SRGAP1: variants seen among roughly 807,000 people sequenced by gnomAD.
SRGAP1 encodes the protein SLIT-ROBO Rho GTPase activating protein 1, also known as SLIT-ROBO Rho GTPase-activating protein 1.
SRGAP1 carries 43 observed loss-of-function variants against 121.9 expected under a neutral mutation model. The ratio of observed to expected loss-of-function variants is 0.35; its 90% CI spans 0.28 to 0.46. The LOEUF is 0.46. Among genes scored for constraint, SRGAP1 ranks in the 20% least tolerant of loss-of-function variants. The probability of loss-of-function intolerance (pLI) is 1.00; values close to 1 mark genes in which losing one functional copy is unlikely to be tolerated. For missense variants in SRGAP1, 1,102 were observed against 1,350.9 expected, an observed-to-expected ratio of 0.82 and a Z score of 2.89; for synonymous variants, 447 against 485.4, an observed-to-expected ratio of 0.92 and a Z score of 1.04.
intron 1 of SRGAP1, among the ~76,000 whole-genome samples, chr12:63,925,787 G>A (rs938108482): frequency 6.6e-6 from 1 of 152,106 alleles, no homozygotes; most frequent in African/African-American, 2.4e-5. Context: ...GATAGAGATG[G>A]CATCCTTATG....
In SRGAP1 at chr12:63,973,834, T is replaced by G. The variant is rs1024369952; in HGVS notation, c.68-10113T>G. On this transcript the variant is annotated intron_variant, in intron 1 of 21. Transcript: ENST00000355086. ...TATTCAGAGAAAAACATGTGTAAAC[T>G]TTGATATATATTCCATGAAACTTCA... 2.6e-5 allele frequency among the ~76,000 whole-genome samples: 4 copies of G among 152,220 alleles called. No individual in the cohort carries two copies. The East Asian group carries it at 7.7e-4, about 29-fold the overall frequency.
At chr12:63,955,853 C>T (rs2032447622) in intron 1 of SRGAP1, among the ~76,000 whole-genome samples, 1 of 152,018 alleles carries the variant, frequency 6.6e-6, no homozygotes, top group Non-Finnish European at 1.5e-5. Context: ...CTTTTAATGA[C>T]TATTATTTTG....
intron 1 of SRGAP1, among the ~76,000 whole-genome samples, chr12:63,877,927 T>C (rs868826169): frequency 4.6e-5 from 7 of 152,230 alleles, no homozygotes; most frequent in Non-Finnish European, 2.9e-5. Flanking sequence ...TTGCACACAC[T>C]GCTGTTACAT....
intron 1 of SRGAP1, among the ~76,000 whole-genome samples, chr12:63,911,985 G>A (rs1365447503): frequency 6.6e-6 from 1 of 152,144 alleles, no homozygotes; most frequent in Non-Finnish European, 1.5e-5. Flanking sequence ...TGATGTTGGA[G>A]AAATAGTGGA....
At chr12:64,140,326 C>T (rs2036937338) in intron 21 of SRGAP1, among the ~76,000 whole-genome samples, 1 of 145,984 alleles carries the variant, frequency 6.9e-6, no homozygotes, top group Non-Finnish European at 1.5e-5. Flanking sequence ...TGTAAATTAC[C>T]TTGGGCAGTA....
rs1592367515 is a variant in SRGAP1 at position 64,153,900 on chromosome 12, T to A, written c.*11228T>A. The A allele has an allele frequency of 6.6e-6, 1 of 152,192 alleles. No homozygotes were observed. Among genetic ancestry groups the A allele is most frequent in the Middle Eastern group, 3.4e-3 (1 of 294 alleles). The allele number at this position is 152,192 out of a possible 1,614,324, so 9.4% of individuals were successfully genotyped here. On this transcript the variant is annotated 3_prime_UTR_variant, in exon 22 of 22. Coordinates refer to ENST00000355086, the MANE Select transcript of SRGAP1 (RefSeq NM_020762.4). ...ATAGCCACAAGAGAGAAGCAACCCA[T>A]GAATGGATGAATGGGTAAAGAAAAT...
intron 15 of SRGAP1, among the ~76,000 whole-genome samples, chr12:64,104,407 G>A (rs2036306575): frequency 6.6e-6 from 1 of 152,166 alleles, no homozygotes; most frequent in African/African-American, 2.4e-5. Flanking sequence ...AAATCCAAGT[G>A]AAATACTGAT....
chr12:64,096,649 T>C (rs2036159780), intron 14 of SRGAP1, among the ~76,000 whole-genome samples: 1 of 152,214 alleles, frequency 6.6e-6, no homozygotes, highest in Admixed American at 6.5e-5. Context: ...AACTCCTTGG[T>C]AACATGAAAG....
chr12:63,874,563 G>A (rs1336968087), intron 1 of SRGAP1, among the ~76,000 whole-genome samples: 3 of 152,056 alleles, frequency 2.0e-5, no homozygotes, highest in Admixed American at 2.0e-4. Context: ...ATCCCATGAA[G>A]AGAGAAAAAT....
chr12:64,009,759 C>G (rs926509461), intron 3 of SRGAP1, among the ~76,000 whole-genome samples: 1 of 150,592 alleles, frequency 6.6e-6, no homozygotes, highest in Non-Finnish European at 1.5e-5. Context: ...CTAAAAAAAT[C>G]TGGTTTTTAC....
At chr12:63,985,701 A>G (rs2033395048) in intron 2 of SRGAP1, among the ~76,000 whole-genome samples, 1 of 152,204 alleles carries the variant, frequency 6.6e-6, no homozygotes, top group Non-Finnish European at 1.5e-5. Flanking sequence ...GGCAGAGAAG[A>G]TAAGGTCTGT....
chr12:64,115,818 A>G lies in SRGAP1; in HGVS notation c.2149A>G (p.Ser717Gly), dbSNP rs1311689599. The change falls in exon 18 of 22, where the codon AGC becomes GGC. Residue 717 changes from serine to glycine, a missense_variant. Ser to Gly is a moderately conservative substitution (Grantham distance 56). Transcript: ENST00000355086. ...KCMAGDDYCD[S>G]PYSEHGTLEE... ...ATTTCCATTTGTATTCTACAGCGAC[A>G]GCCCATACAGTGAGCACGGTACATT... 6.2e-6 allele frequency: 10 copies of G among 1,612,966 alleles called. No homozygotes were observed. Among genetic ancestry groups the G allele is most frequent in the Non-Finnish European group, 8.5e-6 (10 of 1,179,448 alleles).
chr12:64,126,553 T>TTTTTG (rs1168852406), intron 19 of SRGAP1, among the ~76,000 whole-genome samples: 34 of 152,342 alleles, frequency 2.2e-4, no homozygotes, highest in African/African-American at 7.2e-4. Flanking sequence ...GCTATGCTGT[T>TTTTTG]TTTTGTTTTG....
chr12:64,112,080 C>G (rs189980936), intron 17 of SRGAP1, 94 bp downstream of exon 17: 2 of 948,040 alleles, frequency 2.1e-6, no homozygotes, highest in East Asian at 2.6e-5. Flanking sequence ...CATAAGCCAC[C>G]AATGCTTCCA....
intron 1 of SRGAP1, among the ~76,000 whole-genome samples, chr12:63,865,925 C>T (rs1332736444): frequency 7.3e-6 from 1 of 136,678 alleles, no homozygotes; most frequent in African/African-American, 2.9e-5. Context: ...TGGAGCTTCT[C>T]TCAGTCCAAC....
At chr12:63,941,356 T>G (rs908748646) in intron 1 of SRGAP1, among the ~76,000 whole-genome samples, 3 of 152,144 alleles carry the variant, frequency 2.0e-5, no homozygotes, top group Admixed American at 6.6e-5. Context: ...ACTGGAGACC[T>G]GGATGATAGG....
intron 12 of SRGAP1, among the ~76,000 whole-genome samples, chr12:64,093,961 A>G (rs964905636): frequency 1.3e-5 from 2 of 152,188 alleles, no homozygotes; most frequent in African/African-American, 4.8e-5. Flanking sequence ...AATTGTTCTA[A>G]TATATTAAGA....
At chr12:63,899,264 C>G (rs1900852012) in intron 1 of SRGAP1, among the ~76,000 whole-genome samples, 1 of 151,946 alleles carries the variant, frequency 6.6e-6, no homozygotes, top group Admixed American at 6.6e-5. Flanking sequence ...CACCTGTGGT[C>G]CCGGCTACTC....
At chr12:64,064,839 G>A (rs563879970) in intron 7 of SRGAP1, among the ~76,000 whole-genome samples, 4 of 152,270 alleles carry the variant, frequency 2.6e-5, no homozygotes, top group East Asian at 3.9e-4. Context: ...TTTCAGCATC[G>A]GAGCTCCATC....
Sources: allele counts gnomAD v4.1 joint callset (sites outside exome capture counted in the v4.1 genomes callset), GRCh38; gene constraint gnomAD v4.1.1; transcripts MANE v1.5; gene names NCBI Gene and HGNC (gene_info 2026-07-23, HGNC 2026-07-21).